The following ALK variants were observed in gnomAD, a reference collection of about 807,000 sequenced individuals.
The protein encoded by ALK is ALK tyrosine kinase receptor.
In ALK, 74 loss-of-function variants were observed where a neutral mutation model predicts 163.1. The observed-to-expected ratio is 0.45, with a 90% CI of 0.38 to 0.55. The LOEUF is 0.55. Among genes scored for constraint, ALK ranks in the 20% least tolerant of loss-of-function variants. ALK has a pLI of 0.00. For synonymous variants in ALK, 960 were observed against 843.2 expected, an observed-to-expected ratio of 1.14 and a Z score of -2.40; for missense variants, 2,063 against 2,105.3, an observed-to-expected ratio of 0.98 and a Z score of 0.39.
rs144003980 is a variant in ALK at position 29,238,495 on chromosome 2, C to T, written c.2355+1185G>A. Among the ~76,000 whole-genome samples, 950 of 152,330 alleles carry T rather than the reference C, an allele frequency of 6.2e-3. 6 individuals carry two copies. Among genetic ancestry groups the T allele is most frequent in the African/African-American group, 0.022 (904 of 41,586 alleles). On this transcript the variant is annotated intron_variant, in intron 13 of 28. Coordinates refer to ENST00000389048, the MANE Select transcript of ALK (RefSeq NM_004304.5). ...TACAGGCATGAACCACCGCACCCGG[C>T]CCCTGCAGTTTAATTCTTAGAGTCC... is the stretch of plus-strand genomic sequence containing the variant.
chr2:29,753,038 GCTAA>G (rs1295473674), intron 1 of ALK, among the ~76,000 whole-genome samples: 10 of 152,216 alleles, frequency 6.6e-5, no homozygotes, highest in Middle Eastern at 3.4e-3. Flanking sequence ...TCTCCACCCT[GCTAA>G]CTGTCTACAA....
At chr2:29,341,919 G>A (rs1422655727) in intron 5 of ALK, among the ~76,000 whole-genome samples, 1 of 152,068 alleles carries the variant, frequency 6.6e-6, no homozygotes, top group Non-Finnish European at 1.5e-5. Flanking sequence ...CTCATGTGAG[G>A]GTCTGAACTT....
At chr2:29,696,211 C>CG (rs1678557855) in intron 2 of ALK, among the ~76,000 whole-genome samples, 1 of 152,092 alleles carries the variant, frequency 6.6e-6, no homozygotes, top group East Asian at 1.9e-4. Flanking sequence ...GCCTTAAAAA[C>CG]GGATGAGTTC....
At chr2:29,567,878 C>T (rs151256620) in intron 3 of ALK, among the ~76,000 whole-genome samples, 2 of 152,274 alleles carry the variant, frequency 1.3e-5, no homozygotes, top group African/African-American at 4.8e-5. Flanking sequence ...AGCCTATTAG[C>T]GTTAAATACT....
intron 1 of ALK, among the ~76,000 whole-genome samples, chr2:29,731,747 G>T (rs965942428): frequency 2.0e-5 from 3 of 152,196 alleles, no homozygotes; most frequent in Admixed American, 6.5e-5. Context: ...TAGGACAATA[G>T]CAATTTGGCC....
Position 29,505,470 on chromosome 2 carries a change from T to A in ALK, c.1154+26445A>T, listed in dbSNP as rs936671345. ...TGCCAGGTGGAAGTCGTACTAGATGTCCTGAATATCTCCTTCTGCCAGCAC... is the reference window on the plus strand; with the variant it reads ...TGCCAGGTGGAAGTCGTACTAGATGACCTGAATATCTCCTTCTGCCAGCAC... On this transcript the variant is annotated intron_variant, in intron 4 of 28. Transcript: ENST00000389048. Among the ~76,000 whole-genome samples, 10 of 152,288 alleles carry A rather than the reference T, an allele frequency of 6.6e-5. No homozygotes were observed. The South Asian group carries it at 1.2e-3, about 19-fold the overall frequency.
intron 8 of ALK, among the ~76,000 whole-genome samples, chr2:29,299,873 C>T (rs4666197): frequency 0.89 from 136,019 of 152,226 alleles, 62,013 homozygotes; most frequent in Non-Finnish European, 0.99. Context: ...GTTCCATCTT[C>T]ATCTCAAGTC....
chr2:29,751,692 G>A (rs1255781015), intron 1 of ALK, among the ~76,000 whole-genome samples: 1 of 152,128 alleles, frequency 6.6e-6, no homozygotes, highest in Non-Finnish European at 1.5e-5. Flanking sequence ...CCGAAACTTA[G>A]GGACAATTCT....
Position 29,193,338 on chromosome 2 carries a change from A to G in ALK, c.4749T>C (p.Asn1583=), listed in dbSNP as rs766508956. 5.0e-6 allele frequency: 8 copies of G among 1,614,076 alleles called. No homozygotes were observed. In the South Asian group the frequency reaches 7.7e-5, roughly 16 times the overall value. The change falls in exon 29 of 29, where the codon AAT becomes AAC. Residue 1583 remains asparagine, a synonymous_variant. Transcript: ENST00000389048. The stretch of plus-strand genomic sequence containing the variant: ...GCAAGCCCTGTTGCTGGTAGCCGTA[A>G]TTGACATTCCCACAAGGGAAGTGAC... ...RLRHFPCGNV[N]YGYQQQGLPL...
At chr2:29,497,745 ATTGTTTCGGTCATGTAGGGTGCC>A (rs1383273268) in intron 4 of ALK, among the ~76,000 whole-genome samples, 1 of 152,082 alleles carries the variant, frequency 6.6e-6, no homozygotes, top group Non-Finnish European at 1.5e-5. Flanking sequence ...AACAAATCAT[ATTGTTTCGGTCATGTAGGGTGCC>A]TTGAAAAATA....
At chr2:29,226,345 G>A (rs567953333) in intron 18 of ALK, among the ~76,000 whole-genome samples, 2 of 152,058 alleles carry the variant, frequency 1.3e-5, no homozygotes, top group East Asian at 3.9e-4. Context: ...TGGCATGGTG[G>A]TGGGCGCCTG....
intron 1 of ALK, among the ~76,000 whole-genome samples, chr2:29,761,408 C>T (rs780829508): frequency 5.3e-5 from 8 of 152,156 alleles, no homozygotes; most frequent in Non-Finnish European, 8.8e-5. Flanking sequence ...GATGAATATG[C>T]TCTGGCTGGA....
chr2:29,439,138 T>C (rs1670474611), intron 4 of ALK, among the ~76,000 whole-genome samples: 1 of 152,198 alleles, frequency 6.6e-6, no homozygotes, highest in African/African-American at 2.4e-5. Context: ...TCTGACCACC[T>C]ATCAAGCTTA....
intron 4 of ALK, among the ~76,000 whole-genome samples, chr2:29,432,564 C>T (rs1017557652): frequency 1.2e-4 from 18 of 152,066 alleles, no homozygotes; most frequent in African/African-American, 3.6e-4. Flanking sequence ...TGTATGATAA[C>T]GAGGTCATTT....
chr2:29,535,253 C>G (rs1673222482), intron 3 of ALK, among the ~76,000 whole-genome samples: 1 of 152,234 alleles, frequency 6.6e-6, no homozygotes, highest in African/African-American at 2.4e-5. Flanking sequence ...TCTGCTCATA[C>G]AGCGCCACAA....
At chr2:29,405,705 A>G (rs1271654509) in intron 4 of ALK, among the ~76,000 whole-genome samples, 1 of 152,196 alleles carries the variant, frequency 6.6e-6, no homozygotes, top group Non-Finnish European at 1.5e-5. Context: ...AGAGGTGATA[A>G]AGAGAGGGTT....
At chr2:29,549,777 T>C (rs1197474223) in intron 3 of ALK, among the ~76,000 whole-genome samples, 1 of 152,210 alleles carries the variant, frequency 6.6e-6, no homozygotes, top group Admixed American at 6.5e-5. Flanking sequence ...AGACATACAA[T>C]GTTTTATTAA....
intron 3 of ALK, among the ~76,000 whole-genome samples, chr2:29,575,309 T>C (rs745511191): frequency 7.9e-5 from 12 of 152,198 alleles, no homozygotes; most frequent in Non-Finnish European, 1.3e-4. Context: ...GACACGGCCT[T>C]CTACAGACTT....
intron 5 of ALK, 48 bp downstream of exon 5, chr2:29,383,684 C>G: frequency 6.2e-7 from 1 of 1,613,322 alleles, no homozygotes; most frequent in Non-Finnish European, 8.5e-7. Flanking sequence ...ATTGACACAT[C>G]TAACACAATA....
Sources: gnomAD v4.1 joint callset for allele counts (sites outside exome capture counted in the v4.1 genomes callset) on GRCh38, gnomAD v4.1.1 for gene constraint, MANE v1.5 for transcripts, NCBI Gene and HGNC (gene_info 2026-07-23, HGNC 2026-07-21) for gene names.